LRP2: variants seen among roughly 807,000 people sequenced by gnomAD.
LRP2 encodes the protein LDL receptor related protein 2.
Under a neutral mutation model 531.0 loss-of-function variants are expected in LRP2, and 172 were observed. The ratio of observed to expected loss-of-function variants is 0.32; its 90% CI spans 0.29 to 0.37. The LOEUF (loss-of-function observed/expected upper bound fraction) is 0.37. LRP2 is among the 10% of genes least tolerant of loss of function. The pLI is 1.00. For synonymous variants in LRP2, 1,992 were observed against 2,027.6 expected, an observed-to-expected ratio of 0.98 and a Z score of 0.47; for missense variants, 5,167 against 5,868.3, an observed-to-expected ratio of 0.88 and a Z score of 3.90.
rs183659501 is a variant in LRP2, at chr2:169,227,530, T to G, written c.5228-942A>C. Among the ~76,000 whole-genome samples, 204 of 152,290 alleles carry G rather than the reference T, an allele frequency of 1.3e-3. 4 individuals are homozygous for G. Among genetic ancestry groups the G allele is most frequent in the Non-Finnish European group, 8.8e-5 (6 of 68,012 alleles). ...AAAAGGAAAACTTTTGAATCTAAGTTTTGGGTTAAGATATATGTATAAGAT... is the reference window on the plus strand; with the variant it reads ...AAAAGGAAAACTTTTGAATCTAAGTGTTGGGTTAAGATATATGTATAAGAT... On this transcript the variant is annotated intron_variant, in intron 31 of 78. Coordinates refer to ENST00000649046, the MANE Select transcript of LRP2 (RefSeq NM_004525.3).
chr2:169,235,815 T>G, intron 29 of LRP2, 25 bp downstream of exon 29: 2 of 1,565,176 alleles, frequency 1.3e-6, no homozygotes, highest in Non-Finnish European at 1.8e-6. Context: ...TAGTTTTAAT[T>G]TGGTTTTCCT....
intron 24 of LRP2, among the ~76,000 whole-genome samples, chr2:169,241,880 A>T (rs1689820121): frequency 6.6e-6 from 1 of 152,202 alleles, no homozygotes; most frequent in Admixed American, 6.5e-5. Context: ...TTCTTTGCAA[A>T]CTTTCCACTA....
At chr2:169,131,964 G>A (rs139916765) in intron 77 of LRP2, among the ~76,000 whole-genome samples, 158 of 152,240 alleles carry the variant, frequency 1.0e-3, no homozygotes, top group African/African-American at 3.5e-3. Context: ...AATTGCAAAG[G>A]ACCTGCAGGC....
chr2:169,255,078 T>C (rs1271029269), intron 19 of LRP2, among the ~76,000 whole-genome samples: 1 of 152,178 alleles, frequency 6.6e-6, no homozygotes, highest in Non-Finnish European at 1.5e-5. Context: ...CTTTGATTTA[T>C]AGTGAGTGTC....
chr2:169,225,503 A>G lies in LRP2; in HGVS notation c.5395-50T>C, dbSNP rs2075246. 711,227 of 1,607,458 alleles carry G rather than the reference A, an allele frequency of 0.44. 164,458 individuals are homozygous for G. Among genetic ancestry groups the G allele is most frequent in the African/African-American group, 0.72 (54,025 of 74,900 alleles). ...GAGCAGTTCCAAGGCCATGGCTCCTACAAAAGAACCCTTTCTTCACTGTGG... is the reference window on the plus strand; with the variant it reads ...GAGCAGTTCCAAGGCCATGGCTCCTGCAAAAGAACCCTTTCTTCACTGTGG... On this transcript the variant is annotated intron_variant, in intron 32 of 78. Coordinates refer to ENST00000649046, the MANE Select transcript of LRP2 (RefSeq NM_004525.3).
At chr2:169,279,057 G>A (rs796255236) in intron 12 of LRP2, among the ~76,000 whole-genome samples, 6 of 152,256 alleles carry the variant, frequency 3.9e-5, no homozygotes, top group African/African-American at 1.2e-4. Flanking sequence ...ATTAGATTGA[G>A]TTAGAACACA....
intron 1 of LRP2, among the ~76,000 whole-genome samples, chr2:169,334,336 C>A (rs1224746663): frequency 6.6e-6 from 1 of 152,042 alleles, no homozygotes; most frequent in Non-Finnish European, 1.5e-5. Context: ...CATTTGCTTA[C>A]TGGAGTTTTG....
intron 44 of LRP2, 68 bp from the exon 45 acceptor site, chr2:169,198,979 T>C: frequency 1.3e-6 from 2 of 1,525,790 alleles, no homozygotes; most frequent in Non-Finnish European, 1.8e-6. Flanking sequence ...ACAGTATCCG[T>C]GCTAACACAT....
At chr2:169,346,860 C>T (rs942759867) in intron 1 of LRP2, among the ~76,000 whole-genome samples, 84 of 152,262 alleles carry the variant, frequency 5.5e-4, no homozygotes, top group African/African-American at 1.9e-3. Context: ...ACAACTTTTC[C>T]TTTTGTTGTA....
chr2:169,201,826 G>T lies in LRP2; in HGVS notation c.8254C>A (p.Arg2752=). 2 of 1,614,138 alleles carry T rather than the reference G, an allele frequency of 1.2e-6. No individual in the cohort carries two copies. Among genetic ancestry groups the T allele is most frequent in the Non-Finnish European group, 1.7e-6 (2 of 1,180,020 alleles). The change falls in exon 44 of 79, where the codon CGA becomes AGA. Residue 2752 remains arginine, a synonymous_variant. Coordinates refer to ENST00000649046, the MANE Select transcript of LRP2 (RefSeq NM_004525.3). The stretch of plus-strand genomic sequence containing the variant: ...CAGCGGTAAGAGTATTGGACACATC[G>T]CCCATTGGCACAGGTGAAGGCTGTC... The part of the protein sequence containing the change: ...SPTAFTCANG[R]CVQYSYRCDY...
At chr2:169,358,293 C>T (rs754204841) in intron 1 of LRP2, among the ~76,000 whole-genome samples, 10 of 152,182 alleles carry the variant, frequency 6.6e-5, no homozygotes, top group African/African-American at 1.4e-4. Flanking sequence ...ACCTATTAAC[C>T]GCCTTCCCTT....
At chr2:169,353,429 G>A (rs1250661371) in intron 1 of LRP2, among the ~76,000 whole-genome samples, 4 of 152,050 alleles carry the variant, frequency 2.6e-5, no homozygotes, top group African/African-American at 4.8e-5. Flanking sequence ...ACTGCACCTC[G>A]CCTGAACCCC....
At chr2:169,194,865 C>T (rs746484293) in intron 46 of LRP2, among the ~76,000 whole-genome samples, 2 of 151,972 alleles carry the variant, frequency 1.3e-5, no homozygotes, top group Admixed American at 6.5e-5. Flanking sequence ...GCGTGTGCCA[C>T]CGCGCCCGGC....
chr2:169,333,544 C>G (rs1685323713), intron 1 of LRP2, among the ~76,000 whole-genome samples: 1 of 151,744 alleles, frequency 6.6e-6, no homozygotes, highest in African/African-American at 2.4e-5. Flanking sequence ...GAGGGGGCTA[C>G]AAGAGTACTT....
At chr2:169,185,290 T>G (rs911579992) in intron 50 of LRP2, among the ~76,000 whole-genome samples, 13 of 152,202 alleles carry the variant, frequency 8.5e-5, no homozygotes, top group African/African-American at 3.1e-4. Flanking sequence ...CCTCTTTCCA[T>G]AAAAATGATA....
intron 68 of LRP2, 75 bp from the exon 69 acceptor site, chr2:169,147,034 A>G (rs1685939681): frequency 8.8e-7 from 1 of 1,131,866 alleles, no homozygotes; most frequent in African/African-American, 1.5e-5. Context: ...ACAGGGCATT[A>G]CCTACAGGGA....
chr2:169,243,321 G>A, intron 23 of LRP2, 82 bp downstream of exon 23: 1 of 1,537,522 alleles, frequency 6.5e-7, no homozygotes, highest in Non-Finnish European at 9.0e-7. Flanking sequence ...GGTGTGTGAT[G>A]TTCCCCTCCC....
intron 62 of LRP2, 95 bp downstream of exon 62, chr2:169,165,837 C>A (rs1686760996): frequency 1.3e-6 from 2 of 1,486,510 alleles, no homozygotes; most frequent in Non-Finnish European, 1.9e-6. Flanking sequence ...GGGCACAACT[C>A]TATAGAACAA....
chr2:169,308,432 C>G (rs1392475477), intron 3 of LRP2, among the ~76,000 whole-genome samples: 2 of 152,142 alleles, frequency 1.3e-5, no homozygotes, highest in Non-Finnish European at 2.9e-5. Context: ...TCCAGGTGCT[C>G]TCATTGTTCA....
Sources: allele counts gnomAD v4.1 joint callset (sites outside exome capture counted in the v4.1 genomes callset), GRCh38; gene constraint gnomAD v4.1.1; transcripts MANE v1.5; gene names NCBI Gene and HGNC (gene_info 2026-07-23, HGNC 2026-07-21).